Variants in SNRPN observed in about 807,000 individuals in gnomAD.
SNRPN encodes the protein small nuclear ribonucleoprotein-associated protein N.
In SNRPN, 7 loss-of-function variants were observed where a neutral mutation model predicts 25.2. That is an observed-to-expected ratio of 0.28 (90% CI 0.16 to 0.52). SNRPN has a LOEUF of 0.52. Among genes scored for constraint, SNRPN ranks in the 20% least tolerant of loss-of-function variants. The pLI is 0.96. For missense variants in SNRPN, 196 were observed against 322.5 expected (o/e 0.61, Z 3.00); for synonymous variants, 124 against 110.6 (o/e 1.12, Z -0.76).
chr15:24,844,255 T>G (rs1008636708), intron 2 of SNRPN, among the ~76,000 whole-genome samples: 2 of 152,110 alleles, frequency 1.3e-5, no homozygotes, highest in African/African-American at 4.8e-5. Flanking sequence ...TTCAATAATT[T>G]ACATCTTCCT....
rs750668095 is a variant in SNRPN at position 24,931,328 on chromosome 15, A to G, written c.-391+11204A>G. Among the ~76,000 whole-genome samples, 4 of 152,332 alleles carry G rather than the reference A, an allele frequency of 2.6e-5. No homozygotes were observed. The South Asian group carries it at 6.2e-4, about 24-fold the overall frequency. ...AAAACAAAAGCTGGGTATTAGTTAT[A>G]GTGGTAAGGACACATTTTAATCACT... On this transcript the variant is annotated intron_variant, in intron 3 of 11. Transcript: ENST00000400097.
At position 24,968,043 on chromosome 15, in the gene SNRPN, T is replaced by C. The variant is rs1258488575; in HGVS notation, c.-183T>C. ...AGACACCAAGAGGTGGTTAAAGCCA[T>C]ATTGGAGTAGCGAGGAATCTGATTC... On this transcript the variant is annotated 5_prime_UTR_variant, in exon 3 of 10. Transcript: ENST00000390687. 4 of 1,613,252 alleles carry C rather than the reference T, an allele frequency of 2.5e-6. No individual in the cohort carries two copies. Among genetic ancestry groups the C allele is most frequent in the Non-Finnish European group, 8.5e-7 (1 of 1,179,300 alleles).
intron 1 of SNRPN, among the ~76,000 whole-genome samples, chr15:24,883,705 G>C (rs929606241): frequency 1.4e-4 from 22 of 152,056 alleles, no homozygotes; most frequent in Non-Finnish European, 2.6e-4. Context: ...GTTACTACTA[G>C]TATTTATCAA....
intron 3 of SNRPN, among the ~76,000 whole-genome samples, chr15:24,946,757 G>C (rs569946427): frequency 6.6e-6 from 1 of 152,278 alleles, no homozygotes; most frequent in South Asian, 2.1e-4. Flanking sequence ...GCATGAGCCT[G>C]CAGTGGCCAT....
In SNRPN at chr15:24,885,848, C is replaced by T. The variant is rs1395302529; in HGVS notation, c.-578-668C>T. Among the ~76,000 whole-genome samples, 7 of 152,156 alleles carry T rather than the reference C, an allele frequency of 4.6e-5. No homozygotes were observed. In the East Asian group the frequency reaches 1.2e-3, roughly 25 times the overall value. On this transcript the variant is annotated intron_variant, in intron 1 of 11. Transcript: ENST00000400097. ...TCAGGATATAAAACACACTTACACACAGCTGCATACAAATGCAATGAGTTT... is the reference window on the plus strand; with the variant it reads ...TCAGGATATAAAACACACTTACACATAGCTGCATACAAATGCAATGAGTTT...
chr15:24,872,079 T>G (rs2055193951), intron 1 of SNRPN, among the ~76,000 whole-genome samples: 1 of 120,472 alleles, frequency 8.3e-6, no homozygotes, highest in African/African-American at 2.9e-5. Context: ...AAAAAATAGA[T>G]GAATTTATCT....
Position 24,871,843 on chromosome 15 carries a change from T to C in SNRPN, c.-578-14673T>C, listed in dbSNP as rs1274669771. On this transcript the variant is annotated intron_variant, in intron 1 of 11. Coordinates refer to the SNRPN transcript ENST00000400097. ...CCTCAGCCTCCCAAGCAGCTGGGAC[T>C]ACAGGCGCCCACCACCACGCCTGGC... is the stretch of plus-strand genomic sequence containing the variant. Among the ~76,000 whole-genome samples, 4 of 123,832 alleles carry C rather than the reference T, an allele frequency of 3.2e-5. 1 individual carries two copies. The highest frequency in any genetic ancestry group is 5.5e-5 in the African/African-American group (2 of 36,290). The allele number at this position is 123,832 out of a possible 152,430, so 81.2% of individuals were successfully genotyped here.
At chr15:24,841,435 A>C (rs2051697853) in intron 2 of SNRPN, among the ~76,000 whole-genome samples, 1 of 152,174 alleles carries the variant, frequency 6.6e-6, no homozygotes, top group Non-Finnish European at 1.5e-5. Flanking sequence ...GCAGATAAGC[A>C]TCACGGGCCA....
At chr15:24,892,521 G>A (rs911626412) in intron 2 of SNRPN, among the ~76,000 whole-genome samples, 11 of 152,366 alleles carry the variant, frequency 7.2e-5, no homozygotes, top group African/African-American at 1.4e-4. Context: ...TGGATCACTT[G>A]AGGTCAGGAG....
chr15:24,874,736 C>T (rs2055680652), intron 1 of SNRPN, among the ~76,000 whole-genome samples: 1 of 139,220 alleles, frequency 7.2e-6, no homozygotes, highest in African/African-American at 2.6e-5. Context: ...TGAATAATCT[C>T]ATAAATAGGA....
intron 2 of SNRPN, among the ~76,000 whole-genome samples, chr15:24,918,550 GTATATATAACATAATATATATGTA>G (rs1449473102): frequency 0.11 from 11,911 of 104,504 alleles, 2,619 homozygotes; most frequent in East Asian, 0.18. Context: ...ATATATGTGT[GTATATATAACATAATATATATGTA>G]TATATATAAC....
chr15:24,924,182 G>A (rs1254612149), intron 3 of SNRPN, among the ~76,000 whole-genome samples: 2 of 151,700 alleles, frequency 1.3e-5, no homozygotes, highest in African/African-American at 4.8e-5. Context: ...AATTAGATAT[G>A]GACACAGGGA....
At chr15:24,922,948 C>G (rs1208522487) in intron 3 of SNRPN, among the ~76,000 whole-genome samples, 1 of 112,686 alleles carries the variant, frequency 8.9e-6, no homozygotes, top group East Asian at 3.1e-4. Flanking sequence ...ATTGCTCAAG[C>G]TGGATGGAGT....
At chr15:24,869,089 G>C (rs1301377621) in intron 1 of SNRPN, among the ~76,000 whole-genome samples, 1 of 152,130 alleles carries the variant, frequency 6.6e-6, no homozygotes, top group African/African-American at 2.4e-5. Flanking sequence ...AGGCTAAAGT[G>C]AGCCATGATC....
chr15:24,898,207 G>A (rs1254758862), intron 2 of SNRPN, among the ~76,000 whole-genome samples: 1 of 152,128 alleles, frequency 6.6e-6, no homozygotes, highest in African/African-American at 2.4e-5. Context: ...ACATTTCTGA[G>A]CAAAAATGCA....
chr15:24,970,191 A>T (rs1274338429), intron 3 of SNRPN, among the ~76,000 whole-genome samples: 1 of 152,226 alleles, frequency 6.6e-6, no homozygotes, highest in African/African-American at 2.4e-5. Context: ...TCTGCTGTGG[A>T]GGAAGATGGG....
At chr15:24,831,692 T>A (rs568196834) in intron 2 of SNRPN, among the ~76,000 whole-genome samples, 2 of 152,144 alleles carry the variant, frequency 1.3e-5, no homozygotes, top group South Asian at 4.1e-4. Context: ...AATGAGCTTT[T>A]TTAGATTCCG....
At chr15:24,973,334 C>G (rs188435518) in intron 3 of SNRPN, among the ~76,000 whole-genome samples, 1 of 152,288 alleles carries the variant, frequency 6.6e-6, no homozygotes, top group Admixed American at 6.5e-5. Flanking sequence ...GTACACTGTT[C>G]ATACTGTGAT....
intron 2 of SNRPN, among the ~76,000 whole-genome samples, chr15:24,905,721 G>A (rs866410796): frequency 1.3e-5 from 2 of 152,128 alleles, no homozygotes; most frequent in African/African-American, 4.8e-5. Context: ...TTAATATTTG[G>A]AATAAACTGT....
Sources: allele counts gnomAD v4.1 joint callset (sites outside exome capture counted in the v4.1 genomes callset), GRCh38; gene constraint gnomAD v4.1.1; transcripts MANE v1.5; gene names NCBI Gene and HGNC (gene_info 2026-07-23, HGNC 2026-07-21).